The following PTPRK variants were observed in gnomAD, a reference collection of about 807,000 sequenced individuals.
PTPRK encodes the protein protein tyrosine phosphatase receptor type K.
In PTPRK, 75 loss-of-function variants were observed where a neutral mutation model predicts 178.0. The observed-to-expected ratio is 0.42, with a 90% CI of 0.35 to 0.51. The LOEUF (loss-of-function observed/expected upper bound fraction) is 0.51. PTPRK is among the 20% of genes least tolerant of loss of function. The probability of loss-of-function intolerance (pLI) is 0.02; values close to 1 mark genes in which losing one functional copy is unlikely to be tolerated. For missense variants in PTPRK, 1,441 were observed against 1,797.8 expected (o/e 0.80, Z 3.59); for synonymous variants, 637 against 620.6 (o/e 1.03, Z -0.39).
At chr6:128,433,356 A>G (rs73589581) in intron 1 of PTPRK, among the ~76,000 whole-genome samples, 2,185 of 152,210 alleles carry the variant, frequency 0.014, 50 homozygotes, top group African/African-American at 0.049. Flanking sequence ...AAACTCCCAC[A>G]TGTGAATGAG....
chr6:128,031,273 C>T (rs1775285355), intron 13 of PTPRK, among the ~76,000 whole-genome samples: 1 of 152,162 alleles, frequency 6.6e-6, no homozygotes, highest in Non-Finnish European at 1.5e-5. Flanking sequence ...TAAACGTACA[C>T]GACTGCTTTG....
chr6:128,048,502 AC>A (rs932701601), intron 13 of PTPRK, among the ~76,000 whole-genome samples: 3 of 152,122 alleles, frequency 2.0e-5, no homozygotes, highest in African/African-American at 7.2e-5. Context: ...CTGAAACATT[AC>A]CTCACCAGCG....
At chr6:128,387,663 A>C (rs1838942325) in intron 2 of PTPRK, among the ~76,000 whole-genome samples, 1 of 152,132 alleles carries the variant, frequency 6.6e-6, no homozygotes, top group Non-Finnish European at 1.5e-5. Flanking sequence ...GGTTTTTTTA[A>C]ATAAAGTATG....
In PTPRK at chr6:128,322,083, G is replaced by T; in HGVS notation, c.451C>A (p.Arg151=). The change falls in exon 3 of 30, where the codon CGG becomes AGG. Residue 151 remains arginine, a synonymous_variant. Coordinates refer to ENST00000368226, the MANE Select transcript of PTPRK (RefSeq NM_002844.4). ...VTGFTGRDWL[R]AELAVSTFWP... ...AAGGTGCTCACTGCTAGCTCAGCCC[G>T]AAGCCAATCTCTACCCGTGAATCCA... is the stretch of plus-strand genomic sequence containing the variant. The T allele has an allele frequency of 6.2e-7, 1 of 1,613,874 alleles. No homozygotes were observed. Among genetic ancestry groups the T allele is most frequent in the Non-Finnish European group, 8.5e-7 (1 of 1,179,910 alleles).
At chr6:128,190,609 CT>C (rs1803625132) in intron 6 of PTPRK, among the ~76,000 whole-genome samples, 1 of 149,228 alleles carries the variant, frequency 6.7e-6, no homozygotes, top group Non-Finnish European at 1.5e-5. Flanking sequence ...AGCAATTCTC[CT>C]GCCTCTGCCT....
intron 13 of PTPRK, among the ~76,000 whole-genome samples, chr6:128,050,107 G>T (rs1778749183): frequency 6.6e-6 from 1 of 151,730 alleles, no homozygotes; most frequent in Admixed American, 6.6e-5. Flanking sequence ...TTGAACTCCA[G>T]CCTGGGCAAC....
At chr6:128,009,681 C>T (rs1252618265) in intron 13 of PTPRK, among the ~76,000 whole-genome samples, 1 of 151,060 alleles carries the variant, frequency 6.6e-6, no homozygotes, top group Non-Finnish European at 1.5e-5. Context: ...TGCTTTAAGG[C>T]AGTATTAATG....
chr6:128,040,162 T>G lies in PTPRK; in HGVS notation c.2194+24596A>C, dbSNP rs1403428713. ...TCTGTTTTCCTTCTCTCTATTAACA[T>G]TTTCTTATTTGCTCTAGTCTTTAGA... On this transcript the variant is annotated intron_variant, in intron 13 of 29. Coordinates refer to ENST00000368226, the MANE Select transcript of PTPRK (RefSeq NM_002844.4). 2.0e-5 allele frequency among the ~76,000 whole-genome samples: 3 copies of G among 152,182 alleles called. No individual in the cohort carries two copies. In the East Asian group the frequency reaches 5.8e-4, roughly 29 times the overall value.
intron 3 of PTPRK, among the ~76,000 whole-genome samples, chr6:128,277,685 T>C (rs1011393973): frequency 6.6e-6 from 1 of 152,188 alleles, no homozygotes; most frequent in South Asian, 2.1e-4. Flanking sequence ...TATGTGAGGT[T>C]AGACTAACAT....
At chr6:128,307,140 C>A (rs1826506444) in intron 3 of PTPRK, among the ~76,000 whole-genome samples, 1 of 140,070 alleles carries the variant, frequency 7.1e-6, no homozygotes, top group African/African-American at 2.9e-5. Flanking sequence ...ATAGAAGGCT[C>A]AGAGCTCAGA....
intron 6 of PTPRK, among the ~76,000 whole-genome samples, chr6:128,196,357 G>T (rs551870076): frequency 1.3e-5 from 2 of 152,108 alleles, no homozygotes; most frequent in South Asian, 4.2e-4. Context: ...GAAGCTGAAG[G>T]TTGGCAATAA....
Position 128,218,935 on chromosome 6 carries a change from T to A in PTPRK, c.855A>T (p.Gln285His). 6.2e-7 allele frequency: 1 copy of A among 1,612,030 alleles called. No homozygotes were observed. Among genetic ancestry groups the A allele is most frequent in the South Asian group, 1.1e-5 (1 of 90,598 alleles). The change falls in exon 6 of 30, where the codon CAA (glutamine) becomes CAT (histidine). Residue 285 changes from glutamine to histidine, a missense_variant. By Grantham distance (24) the Gln-to-His change is conservative. This residue lies in a region of PTPRK where 945 missense variants were observed against 1,080.6 expected (regional missense o/e 0.87). Coordinates refer to ENST00000368226, the MANE Select transcript of PTPRK (RefSeq NM_002844.4). The part of the protein sequence containing the change: ...ERGSGVSNFA[Q>H]LIVREPPRPI... ...ATTTCACCTTACCTCTCACAATAAG[T>A]TGAGCAAAATTGGACACACCGGAAC...
At chr6:128,052,278 C>T (rs564314493) in intron 13 of PTPRK, among the ~76,000 whole-genome samples, 228 of 152,236 alleles carry the variant, frequency 1.5e-3, no homozygotes, top group African/African-American at 5.0e-3. Flanking sequence ...GGACATTTTC[C>T]TATAGATCAC....
At chr6:128,090,775 A>T (rs1284583905) in intron 7 of PTPRK, among the ~76,000 whole-genome samples, 2 of 152,170 alleles carry the variant, frequency 1.3e-5, no homozygotes, top group African/African-American at 4.8e-5. Context: ...GAATCATCTA[A>T]CTTAATCAAC....
chr6:128,255,900 A>G (rs914924346), intron 3 of PTPRK, among the ~76,000 whole-genome samples: 3 of 152,212 alleles, frequency 2.0e-5, no homozygotes, highest in African/African-American at 7.2e-5. Flanking sequence ...TTCCTTCAGA[A>G]CTTTTTCCTT....
rs568370149 is a variant in PTPRK, at chr6:128,501,745, A to G, written c.100+18514T>C. Among the ~76,000 whole-genome samples the G allele has an allele frequency of 2.6e-5, 4 of 152,378 alleles. No homozygotes were observed. In the East Asian group the frequency reaches 5.8e-4, roughly 22 times the overall value. The stretch of plus-strand genomic sequence containing the variant: ...TTTTAAAACTCAAGTGAAATAATCA[A>G]AAGTAACTTTAGCTAACAAATAGTA... On this transcript the variant is annotated intron_variant, in intron 1 of 29. Coordinates refer to ENST00000368226, the MANE Select transcript of PTPRK (RefSeq NM_002844.4).
At chr6:128,380,205 A>G (rs1328364657) in intron 2 of PTPRK, among the ~76,000 whole-genome samples, 1 of 152,156 alleles carries the variant, frequency 6.6e-6, no homozygotes, top group Admixed American at 6.5e-5. Flanking sequence ...AATTCACACA[A>G]TAATTCTTTG....
intron 7 of PTPRK, among the ~76,000 whole-genome samples, chr6:128,129,728 C>T (rs981254032): frequency 5.3e-5 from 8 of 152,032 alleles, no homozygotes; most frequent in African/African-American, 1.4e-4. Context: ...ACATCATTAC[C>T]TTCAGAACAA....
intron 6 of PTPRK, among the ~76,000 whole-genome samples, chr6:128,217,707 T>C (rs533376554): frequency 3.2e-4 from 49 of 152,188 alleles, no homozygotes; most frequent in Middle Eastern, 3.4e-3. Flanking sequence ...ATGTGCTGTG[T>C]TCTCTGCTTG....
Sources: gnomAD v4.1 joint callset for allele counts (sites outside exome capture counted in the v4.1 genomes callset) on GRCh38, gnomAD v4.1.1 for gene constraint, gnomAD v4.1.1 regional missense constraint, MANE v1.5 for transcripts, NCBI Gene and HGNC (gene_info 2026-07-23, HGNC 2026-07-21) for gene names.